Variants in NR2C1 observed in about 807,000 individuals in gnomAD.
NR2C1 encodes TR2 nuclear hormone receptor.
In NR2C1, 33 loss-of-function variants were observed where a neutral mutation model predicts 74.8. The observed-to-expected ratio is 0.44, with a 90% CI of 0.33 to 0.59. NR2C1 has a LOEUF of 0.59. Among genes scored for constraint, NR2C1 ranks in the 20% least tolerant of loss-of-function variants. The probability of loss-of-function intolerance (pLI) is 0.02; values close to 1 mark genes in which losing one functional copy is unlikely to be tolerated. For missense variants in NR2C1, 568 were observed against 715.6 expected (o/e 0.79, Z 2.35); for synonymous variants, 225 against 240.6 (o/e 0.94, Z 0.60).
At chr12:95,048,862 G>C (rs756679794) in intron 9 of NR2C1, among the ~76,000 whole-genome samples, 7 of 152,076 alleles carry the variant, frequency 4.6e-5, no homozygotes, top group South Asian at 2.1e-4. Context: ...GACCTCAGGT[G>C]ATCTGCCCAC....
chr12:95,056,947 A>T (rs1873988307), intron 7 of NR2C1, among the ~76,000 whole-genome samples: 2 of 146,694 alleles, frequency 1.4e-5, no homozygotes, highest in South Asian at 4.4e-4. Context: ...CAACAGAGTG[A>T]GACTCCATCT....
rs186790839 is a variant in NR2C1 at position 95,071,306 on chromosome 12, A to G, written c.-8+2074T>C. 2.0e-4 allele frequency among the ~76,000 whole-genome samples: 31 copies of G among 152,368 alleles called. 2 individuals carry two copies. In the East Asian group the frequency reaches 5.8e-3, roughly 28 times the overall value. On this transcript the variant is annotated intron_variant, in intron 1 of 13. Coordinates refer to ENST00000333003, the MANE Select transcript of NR2C1 (RefSeq NM_003297.4). Reference sequence around the variant, plus strand: ...CTAAGGTTGTTAGCTAGGATTCAGAAATAGATTTCTGTTAACTCCTAATAC... The same window carrying G: ...CTAAGGTTGTTAGCTAGGATTCAGAGATAGATTTCTGTTAACTCCTAATAC...
chr12:95,040,568 G>T lies in NR2C1; in HGVS notation c.1161C>A (p.Tyr387Ter). 1 of 1,613,370 alleles carries T rather than the reference G, an allele frequency of 6.2e-7. No individual in the cohort carries two copies. Among genetic ancestry groups the T allele is most frequent in the Non-Finnish European group, 8.5e-7 (1 of 1,179,486 alleles). ...RLTMPSPMPE[Y>*]LNVHYIGESA... is the part of the protein sequence containing the mutation. ...ACTCCCCAATGTAGTGCACATTCAG[G>T]TACTCAGGCATAGGAGAAGGCATGG... Residue 387 changes from tyrosine to a stop codon, truncating the protein, a stop_gained, in exon 10 of 14, where the codon TAC (tyrosine) becomes TAA (stop). Coordinates refer to ENST00000333003, the MANE Select transcript of NR2C1 (RefSeq NM_003297.4). LOFTEE classifies it high-confidence loss of function.
intron 5 of NR2C1, 130 bp from the exon 6 acceptor site, chr12:95,058,008 C>G: frequency 1.2e-6 from 1 of 840,598 alleles, no homozygotes; most frequent in South Asian, 1.9e-5. Context: ...AGATAACCAT[C>G]AATCTTTAGA....
At position 95,057,848 on chromosome 12, in the gene NR2C1, A is replaced by G. The variant is rs765375131; in HGVS notation, c.575T>C (p.Val192Ala). The change falls in exon 6 of 14, where the codon GTA becomes GCA. Residue 192 changes from valine to alanine, a missense_variant. Coordinates refer to ENST00000333003, the MANE Select transcript of NR2C1 (RefSeq NM_003297.4). Reference protein sequence around the residue: ...SVQCERKPIEVSREKSSNCAA... With the variant: ...SVQCERKPIEASREKSSNCAA... ...ACAGTTGGAAGATTTTTCTCGTGATACTTCAATGGGTTTTCTTTCACATTG... is the reference window on the plus strand; with the variant it reads ...ACAGTTGGAAGATTTTTCTCGTGATGCTTCAATGGGTTTTCTTTCACATTG... 70 of 1,613,988 alleles carry G rather than the reference A, an allele frequency of 4.3e-5. No individual in the cohort carries two copies. In the South Asian group the frequency reaches 7.5e-4, roughly 17 times the overall value.
chr12:95,052,158 G>GT (rs201217929), intron 7 of NR2C1, among the ~76,000 whole-genome samples: 18,733 of 140,958 alleles, frequency 0.13, 1,415 homozygotes, highest in Non-Finnish European at 0.18. Flanking sequence ...ATGTTACTTT[G>GT]TTTTTTTTTT....
rs76809022 is a variant in NR2C1 at position 95,053,212 on chromosome 12, G to C, written c.784-1269C>G. Among the ~76,000 whole-genome samples the C allele has an allele frequency of 5.9e-3, 895 of 152,198 alleles. 41 individuals are homozygous for C. In the East Asian group the frequency reaches 0.14, roughly 24 times the overall value. On this transcript the variant is annotated intron_variant, in intron 7 of 13. Transcript: ENST00000333003. ...TGGTCTCAAACTCCTGGGCTCAAGTGATCTACCTGCCACAGTTTCCCAAAG... is the reference window on the plus strand; with the variant it reads ...TGGTCTCAAACTCCTGGGCTCAAGTCATCTACCTGCCACAGTTTCCCAAAG...
intron 10 of NR2C1, among the ~76,000 whole-genome samples, chr12:95,031,941 C>G (rs1870169599): frequency 6.6e-6 from 1 of 152,222 alleles, no homozygotes; most frequent in Admixed American, 6.5e-5. Context: ...GATCTCTGCT[C>G]ACTGCAACCT....
chr12:95,052,931 C>CT (rs761736780), intron 7 of NR2C1, among the ~76,000 whole-genome samples: 16 of 151,932 alleles, frequency 1.1e-4, no homozygotes, highest in Non-Finnish European at 2.1e-4. Context: ...ATTCTCTTCA[C>CT]TTTTTTGTCA....
chr12:95,031,505 T>G lies in NR2C1; in HGVS notation c.1254-17A>C. 1.9e-6 allele frequency: 3 copies of G among 1,562,636 alleles called. No individual in the cohort carries two copies. In the East Asian group the frequency reaches 7.0e-5, roughly 36 times the overall value. ...TTTTCTTGCCTATTAAAAACAGTAA[T>G]AAAAGCACAAATCAGATATTATTAA... On this transcript the variant is annotated splice_polypyrimidine_tract_variant and intron_variant, in intron 10 of 13. Coordinates refer to ENST00000333003, the MANE Select transcript of NR2C1 (RefSeq NM_003297.4).
At chr12:95,030,602 A>T in intron 11 of NR2C1, 2 of 1,613,392 alleles carry the variant, frequency 1.2e-6, no homozygotes, top group Non-Finnish European at 1.7e-6. Flanking sequence ...TCTATTTTTG[A>T]TGACATTTTA....
intron 1 of NR2C1, among the ~76,000 whole-genome samples, chr12:95,068,395 T>C (rs1592800548): frequency 6.6e-6 from 1 of 152,192 alleles, no homozygotes; most frequent in Non-Finnish European, 1.5e-5. Context: ...TATGATTTTG[T>C]GGGAGAACCG....
chr12:95,037,692 G>A (rs1324664507), intron 10 of NR2C1, among the ~76,000 whole-genome samples: 2 of 152,048 alleles, frequency 1.3e-5, no homozygotes, highest in African/African-American at 4.8e-5. Flanking sequence ...TGAGGAGATC[G>A]AGATCGGCCT....
chr12:95,062,602 G>A lies in NR2C1; in HGVS notation c.191C>T (p.Ser64Phe), dbSNP rs2136190600. ...TGTAAGGAAAACTTTTCCCGGAGTG[G>A]AATCTTGCCTGGCCAGAATGACTTT... Reference protein sequence around the residue: ...PSKVILARQDSTPGKVFLTTP... With the variant: ...PSKVILARQDFTPGKVFLTTP... Residue 64 changes from serine (S) to phenylalanine (F), a missense_variant, in exon 3 of 14, where the codon TCC (serine) becomes TTC (phenylalanine). Ser to Phe is a radical substitution (Grantham distance 155). Transcript: ENST00000333003. 1 of 1,614,092 alleles carries A rather than the reference G, an allele frequency of 6.2e-7. No homozygotes were observed. Among genetic ancestry groups the A allele is most frequent in the Non-Finnish European group, 8.5e-7 (1 of 1,180,022 alleles).
intron 11 of NR2C1, among the ~76,000 whole-genome samples, chr12:95,029,503 T>TA (rs1293819049): frequency 2.0e-5 from 3 of 150,830 alleles, no homozygotes; most frequent in East Asian, 1.9e-4. Context: ...CTTGGCTTGT[T>TA]AAAAAAAACA....
intron 1 of NR2C1, among the ~76,000 whole-genome samples, chr12:95,069,374 C>T (rs1395703148): frequency 1.3e-5 from 2 of 152,142 alleles, no homozygotes; most frequent in East Asian, 3.9e-4. Context: ...AGCGGTACCA[C>T]AAGTTTACAC....
At position 95,050,147 on chromosome 12, in the gene NR2C1, A is replaced by T. The variant is rs925804615; in HGVS notation, c.966-914T>A. Among the ~76,000 whole-genome samples, 19 of 152,280 alleles carry T rather than the reference A, an allele frequency of 1.2e-4. 4 individuals are homozygous for T. Among genetic ancestry groups the T allele is most frequent in the Admixed American group, 7.2e-4 (11 of 15,294 alleles). ...GGTCACATAGCTAAATCTAAACTGT[A>T]ACAATTTGATATTAGAATAATAACA... On this transcript the variant is annotated intron_variant, in intron 8 of 13. Transcript: ENST00000333003.
rs35375374 is a variant in NR2C1, at chr12:95,064,328, C to CAA, written c.55-1592_55-1591dup. 9.9e-3 allele frequency among the ~76,000 whole-genome samples: 1,066 copies of CAA among 107,904 alleles called. 16 individuals are homozygous for CAA. The highest frequency in any genetic ancestry group is 0.036 in the African/African-American group (1,012 of 28,202). The allele number at this position is 107,904 out of a possible 152,430, so 70.8% of individuals were successfully genotyped here. On this transcript the variant is annotated intron_variant, in intron 2 of 13. Transcript: ENST00000333003. ...TGGGTGACACAGTGAGAGTCTGTCTCAAAAAAAAAAAAAAAAAAAAGTTCA... is the reference window on the plus strand; with the variant it reads ...TGGGTGACACAGTGAGAGTCTGTCTCAAAAAAAAAAAAAAAAAAAAAAGTTCA...
At chr12:95,061,331 T>C (rs539390974) in intron 3 of NR2C1, among the ~76,000 whole-genome samples, 1 of 152,356 alleles carries the variant, frequency 6.6e-6, no homozygotes, top group South Asian at 2.1e-4. Flanking sequence ...TATTGCTCAT[T>C]AATTATATCA....
Sources: gnomAD v4.1 joint callset for allele counts (sites outside exome capture counted in the v4.1 genomes callset) on GRCh38, gnomAD v4.1.1 for gene constraint, MANE v1.5 for transcripts, NCBI Gene and HGNC (gene_info 2026-07-23, HGNC 2026-07-21) for gene names.